The following KIF18B variants were observed in gnomAD, a reference collection of about 807,000 sequenced individuals.
KIF18B encodes kinesin family member 18B, also known as kinesin-like protein KIF18B.
Under a neutral mutation model 80.9 loss-of-function variants are expected in KIF18B, and 49 were observed. That is an observed-to-expected ratio of 0.61 (90% CI 0.48 to 0.77). The LOEUF (loss-of-function observed/expected upper bound fraction) is 0.77, where lower values mean the gene tolerates loss of function less well. Ranked by LOEUF, KIF18B falls within the 30% of genes least tolerant of loss-of-function variation. KIF18B has a pLI of 0.00. For synonymous variants in KIF18B, 439 were observed against 463.9 expected (o/e 0.95, Z 0.69); for missense variants, 994 against 1,127.7 (o/e 0.88, Z 1.70).
chr17:44,928,985 G>C lies in KIF18B; in HGVS notation c.1557C>G (p.Tyr519Ter). The C allele has an allele frequency of 6.2e-7, 1 of 1,614,040 alleles. No homozygotes were observed. Among genetic ancestry groups the C allele is most frequent in the South Asian group, 1.1e-5 (1 of 91,088 alleles). ...GGAGGTTGGCTGCTTGGAGCAGGGA[G>C]TACTGCCGCTGGGCAACGCACAGCA... Reference protein sequence around the residue: ...LKVLCVAQRQYSLLQAANLLT... With the variant: ...LKVLCVAQRQ Residue 519 changes from tyrosine to a stop codon, truncating the protein, a stop_gained, in exon 12 of 16, where the codon TAC becomes TAG. Transcript: ENST00000593135. LOFTEE classifies it high-confidence loss of function.
rs1394734714 is a variant in KIF18B, at chr17:44,936,363, G to A, written c.-14-5C>T. 1 of 1,586,028 alleles carries A rather than the reference G, an allele frequency of 6.3e-7. No individual in the cohort carries two copies. Among genetic ancestry groups the A allele is most frequent in the Non-Finnish European group, 8.6e-7 (1 of 1,167,956 alleles). On this transcript the variant is annotated splice_polypyrimidine_tract_variant and splice_region_variant and intron_variant, in intron 1 of 15. Coordinates refer to ENST00000593135, the MANE Select transcript of KIF18B (RefSeq NM_001265577.2). ...CTGCCATCACTGTGGTGACACCTGG[G>A]TGAGACATGGTGGAGCTGAGGACCA... is the stretch of plus-strand genomic sequence containing the variant.
intron 11 of KIF18B, among the ~76,000 whole-genome samples, 168 bp from the exon 12 acceptor site, chr17:44,929,192 C>T (rs2052097159): frequency 6.6e-6 from 1 of 152,230 alleles, no homozygotes; most frequent in Non-Finnish European, 1.5e-5. Context: ...TCACCACCCT[C>T]TCAGCCACAG....
At chr17:44,943,098 G>GT (rs1023168394) in intron 1 of KIF18B, among the ~76,000 whole-genome samples, 13 of 151,648 alleles carry the variant, frequency 8.6e-5, no homozygotes, top group Admixed American at 2.0e-4. Flanking sequence ...AAGAAATTGT[G>GT]TTTTTTTTGT....
Position 44,927,381 on chromosome 17 carries a change from A to G in KIF18B, c.2277-303T>C, listed in dbSNP as rs2052051107. Among the ~76,000 whole-genome samples the G allele has an allele frequency of 6.6e-6, 1 of 151,788 alleles. No homozygotes were observed. The highest frequency in any genetic ancestry group is 6.6e-5 in the Admixed American group (1 of 15,264). On this transcript the variant is annotated intron_variant, in intron 13 of 15. Transcript: ENST00000593135. The surrounding 1 kb of genome is among the most constrained non-coding windows in gnomAD (Gnocchi z 4.1). ...GTTACCGAGAGCTGCTTCTCGGGCT[A>G]TGGAATGGGCGGGTGCGTGGGTGGG...
At chr17:44,931,041 G>C (rs1418170771) in intron 11 of KIF18B, among the ~76,000 whole-genome samples, 1 of 152,128 alleles carries the variant, frequency 6.6e-6, no homozygotes, top group African/African-American at 2.4e-5. Context: ...AAGTGGCAGG[G>C]GATTTAGGAA....
chr17:44,934,680 G>T lies in KIF18B; in HGVS notation c.577-63C>A. ...CCGGATCAGGACTTTTCCCCTAACA[G>T]GAAGGGCTGCTCTTCAGAATCTACA... On this transcript the variant is annotated intron_variant, in intron 4 of 15. Coordinates refer to ENST00000593135, the MANE Select transcript of KIF18B (RefSeq NM_001265577.2). This position sits in a 1 kb window ranked among gnomAD's most constrained non-coding sequence, Gnocchi z 5.4. The T allele has an allele frequency of 7.1e-7, 1 of 1,401,444 alleles. No homozygotes were observed. Among genetic ancestry groups the T allele is most frequent in the Non-Finnish European group, 9.7e-7 (1 of 1,032,758 alleles). The allele number at this position is 1,401,444 out of a possible 1,614,324, so 86.8% of individuals were successfully genotyped here.
intron 7 of KIF18B, 71 bp downstream of exon 7, chr17:44,933,852 C>T (rs2052213339): frequency 7.0e-7 from 1 of 1,425,314 alleles, no homozygotes; most frequent in African/African-American, 1.4e-5. Context: ...TTGGAGCTGC[C>T]TGGGTCCCAC....
rs774243763 is a variant in KIF18B at position 44,932,215 on chromosome 17, G to A, written c.1239-9C>T. On this transcript the variant is annotated splice_polypyrimidine_tract_variant and intron_variant, in intron 9 of 15. Transcript: ENST00000593135. ...CTGGGGTGCAGGGCTGGCTGGGAGG[G>A]TGGGGTGGCAAGGGGGAGCTGGGAA... 3.0e-5 allele frequency: 47 copies of A among 1,576,560 alleles called. No individual in the cohort carries two copies. Among genetic ancestry groups the A allele is most frequent in the Non-Finnish European group, 3.8e-5 (44 of 1,159,038 alleles).
Position 44,928,507 on chromosome 17 carries a change from G to A in KIF18B, c.1795C>T (p.Arg599Ter). 1.3e-6 allele frequency: 2 copies of A among 1,492,826 alleles called. No individual in the cohort carries two copies. The highest frequency in any genetic ancestry group is 1.8e-6 in the Non-Finnish European group (2 of 1,126,706). The allele number at this position is 1,492,826 out of a possible 1,614,324, so 92.5% of individuals were successfully genotyped here. ...AGGGTGTGCAGGGGGCCACTCAGTC[G>A]CCTCGCCATAGTCCGGGTCACAGGG... Reference protein sequence around the residue: ...TGPVTRTMARRLSGPLHTLGI... With the variant: ...TGPVTRTMAR Residue 599 changes from arginine to a stop codon, truncating the protein, a stop_gained, in exon 13 of 16, where the codon CGA becomes TGA. Transcript: ENST00000593135. LOFTEE classifies it high-confidence loss of function.
At chr17:44,942,530 C>T (rs571947199) in intron 1 of KIF18B, among the ~76,000 whole-genome samples, 210 of 152,172 alleles carry the variant, frequency 1.4e-3, no homozygotes, top group Non-Finnish European at 2.2e-3. Context: ...AAGCCCAGCC[C>T]CTGGACGTCC....
Position 44,931,520 on chromosome 17 carries a change from C to T in KIF18B, c.1517+82G>A. On this transcript the variant is annotated intron_variant, in intron 11 of 15. Transcript: ENST00000593135. ...GAAGAGACAGGGCTTTTGTGATGTG[C>T]TTAACACCAATTCCCACACCCAGGG... The T allele has an allele frequency of 3.1e-6, 5 of 1,588,438 alleles. No individual in the cohort carries two copies. The South Asian group carries it at 5.5e-5, about 18-fold the overall frequency.
intron 11 of KIF18B, among the ~76,000 whole-genome samples, chr17:44,931,354 C>T (rs2052141738): frequency 6.6e-6 from 1 of 152,226 alleles, no homozygotes; most frequent in Non-Finnish European, 1.5e-5. Flanking sequence ...GGTCTGCTGG[C>T]TGCCTGGATG....
chr17:44,939,366 C>CAAAAAA (rs781348504), intron 1 of KIF18B, among the ~76,000 whole-genome samples: 7 of 36,950 alleles, frequency 1.9e-4, no homozygotes, highest in African/African-American at 4.2e-4. Context: ...GACTCCATCT[C>CAAAAAA]AAAAAAAAAA....
intron 7 of KIF18B, among the ~76,000 whole-genome samples, chr17:44,933,458 G>T (rs927879906): frequency 6.6e-6 from 1 of 151,670 alleles, no homozygotes; most frequent in Non-Finnish European, 1.5e-5. Flanking sequence ...GGACTGTGTC[G>T]CTTCTATCAC....
chr17:44,926,192 G>C lies in KIF18B; in HGVS notation c.2453-6C>G. 6.2e-7 allele frequency: 1 copy of C among 1,613,832 alleles called. No homozygotes were observed. Among genetic ancestry groups the C allele is most frequent in the Non-Finnish European group, 8.5e-7 (1 of 1,179,842 alleles). On this transcript the variant is annotated splice_polypyrimidine_tract_variant and splice_region_variant and intron_variant, in intron 15 of 15. Transcript: ENST00000593135. ...CAGGGGACTCAAGGGCAGCTCTGCA[G>C]GCCAGTTGGATGGGTGGCGGGGAGT...
intron 14 of KIF18B, 92 bp from the exon 15 acceptor site, chr17:44,926,591 T>C: frequency 7.9e-7 from 1 of 1,269,390 alleles, no homozygotes; most frequent in Non-Finnish European, 1.1e-6. Context: ...TACTTGACAC[T>C]AAGCCCTGAG....
rs140253992 is a variant in KIF18B at position 44,940,670 on chromosome 17, G to A, written c.-14-4312C>T. Among the ~76,000 whole-genome samples the A allele has an allele frequency of 1.3e-3, 197 of 152,278 alleles. 1 individual carries two copies. Among genetic ancestry groups the A allele is most frequent in the African/African-American group, 4.4e-3 (184 of 41,536 alleles). Reference sequence around the variant, plus strand: ...TGAGGAACAGGGGCTGTTCCTGGGCGTTATGAATAGATGGATGCCTTCCAG... The same window carrying A: ...TGAGGAACAGGGGCTGTTCCTGGGCATTATGAATAGATGGATGCCTTCCAG... On this transcript the variant is annotated intron_variant, in intron 1 of 15. Transcript: ENST00000593135.
chr17:44,932,952 A>T lies in KIF18B; in HGVS notation c.1097T>A (p.Ile366Asn). ...TTGGCAGATGGTAGCATACTGGCTG[A>T]TGTGACAGTCCAGGCTGGTCACATT... is the stretch of plus-strand genomic sequence containing the variant. ...KSNVTSLDCH[I>N]SQYATICQQL... Residue 366 changes from isoleucine (I) to asparagine (N), a missense_variant, in exon 8 of 16, where the codon ATC becomes AAC. Coordinates refer to ENST00000593135, the MANE Select transcript of KIF18B (RefSeq NM_001265577.2). 6 of 1,607,478 alleles carry T rather than the reference A, an allele frequency of 3.7e-6. No homozygotes were observed. Among genetic ancestry groups the T allele is most frequent in the Non-Finnish European group, 5.1e-6 (6 of 1,174,564 alleles).
At chr17:44,946,104 G>T (rs1017151868) in intron 1 of KIF18B, among the ~76,000 whole-genome samples, 5 of 151,426 alleles carry the variant, frequency 3.3e-5, no homozygotes, top group Admixed American at 3.3e-4. Context: ...TAACGTAATT[G>T]CTTATGTAAA....
Sources: allele counts gnomAD v4.1 joint callset (sites outside exome capture counted in the v4.1 genomes callset), GRCh38; gene constraint gnomAD v4.1.1; non-coding constraint Gnocchi (gnomAD v3.1); transcripts MANE v1.5; gene names NCBI Gene and HGNC (gene_info 2026-07-23, HGNC 2026-07-21).